ABHD5: variants seen among roughly 807,000 people sequenced by gnomAD.
ABHD5 encodes the protein 1-acylglycerol-3-phosphate O-acyltransferase ABHD5.
ABHD5 carries 30 observed loss-of-function variants against 44.9 expected under a neutral mutation model. The observed-to-expected ratio is 0.67, with a 90% confidence interval of 0.50 to 0.91. The LOEUF is 0.91. ABHD5 is among the 40% of genes least tolerant of loss of function. ABHD5 has a pLI of 0.00. For synonymous variants in ABHD5, 167 were observed against 147.0 expected, an observed-to-expected ratio of 1.14 and a Z score of -0.99; for missense variants, 399 against 423.4, an observed-to-expected ratio of 0.94 and a Z score of 0.50.
chr3:43,723,886 T>C (rs963511413), downstream of ABHD5, among the ~76,000 whole-genome samples: 7 of 152,194 alleles, frequency 4.6e-5, no homozygotes, highest in African/African-American at 1.7e-4. Context: ...TCAGATGATA[T>C]TAAGGAGTTA....
intron 1 of ABHD5, among the ~76,000 whole-genome samples, chr3:43,697,649 C>T (rs1254085013): frequency 3.3e-5 from 5 of 151,918 alleles, no homozygotes; most frequent in African/African-American, 9.7e-5. Flanking sequence ...GACATGTAAT[C>T]ATATGAAATT....
At chr3:43,705,478 A>G (rs2084607240) in intron 3 of ABHD5, among the ~76,000 whole-genome samples, 1 of 152,246 alleles carries the variant, frequency 6.6e-6, no homozygotes, top group Non-Finnish European at 1.5e-5. Flanking sequence ...TATATACATA[A>G]CATACATGAA....
intron 5 of ABHD5, among the ~76,000 whole-genome samples, chr3:43,717,317 T>C (rs1340856142): frequency 1.3e-5 from 2 of 152,210 alleles, no homozygotes; most frequent in Non-Finnish European, 2.9e-5. Context: ...GAAACGCTGG[T>C]GCCATGAACC....
intron 2 of ABHD5, among the ~76,000 whole-genome samples, chr3:43,700,279 G>A (rs1265188334): frequency 6.6e-6 from 1 of 151,952 alleles, no homozygotes; most frequent in Non-Finnish European, 1.5e-5. Flanking sequence ...CTTCTTATGA[G>A]CACTAAAATT....
In ABHD5 at chr3:43,721,409, G is replaced by A. The variant is rs2084834379; in HGVS notation, c.*2877G>A. 6.6e-6 allele frequency: 1 copy of A among 151,946 alleles called. No homozygotes were observed. 9.4% of individuals were successfully genotyped at this position (151,946 alleles called of 1,614,324 possible). The stretch of plus-strand genomic sequence containing the variant: ...AAACTTTCCTAGGACTGAAAATTCA[G>A]AAGCAATAAAAAGAGAAGTCTATAG... On this transcript the variant is annotated 3_prime_UTR_variant, in exon 7 of 7. Transcript: ENST00000644371.
intron 7 of ABHD5, among the ~76,000 whole-genome samples, chr3:43,732,836 G>A (rs1697260497): frequency 6.6e-6 from 1 of 152,128 alleles, no homozygotes; most frequent in Non-Finnish European, 1.5e-5. Context: ...CAAGGTGATG[G>A]CCAGGGCTGG....
chr3:43,709,350 G>A (rs2084660278), intron 3 of ABHD5, among the ~76,000 whole-genome samples: 1 of 152,144 alleles, frequency 6.6e-6, no homozygotes, highest in Non-Finnish European at 1.5e-5. Flanking sequence ...TGCATAATTT[G>A]TTAAACTGGC....
intron 3 of ABHD5, among the ~76,000 whole-genome samples, chr3:43,705,869 T>G (rs1479924227): frequency 6.6e-6 from 1 of 152,220 alleles, no homozygotes; most frequent in African/African-American, 2.4e-5. Flanking sequence ...TCATATTTGT[T>G]AACTTTTTAT....
At chr3:43,706,906 G>C (rs777182495) in intron 3 of ABHD5, among the ~76,000 whole-genome samples, 2 of 152,146 alleles carry the variant, frequency 1.3e-5, no homozygotes, top group Non-Finnish European at 2.9e-5. Flanking sequence ...AGTGTTCCAA[G>C]CCATAACTAC....
intron 1 of ABHD5, among the ~76,000 whole-genome samples, chr3:43,691,859 A>G (rs191220616): frequency 3.3e-5 from 5 of 152,312 alleles, no homozygotes; most frequent in Non-Finnish European, 5.9e-5. Context: ...TGTGTGTTGC[A>G]TGTGCCTTAG....
intron 3 of ABHD5, among the ~76,000 whole-genome samples, chr3:43,703,071 CA>C (rs2149596562): frequency 6.6e-6 from 1 of 152,252 alleles, no homozygotes; most frequent in South Asian, 2.1e-4. Flanking sequence ...AACTTCATAG[CA>C]TATATCCCAG....
At chr3:43,728,724 T>C (rs1397738127) in intron 7 of ABHD5, among the ~76,000 whole-genome samples, 1 of 152,136 alleles carries the variant, frequency 6.6e-6, no homozygotes, top group Non-Finnish European at 1.5e-5. Context: ...AAATCAGGTA[T>C]CACACACATA....
intron 3 of ABHD5, among the ~76,000 whole-genome samples, chr3:43,709,442 G>C (rs1393169319): frequency 6.6e-6 from 1 of 152,230 alleles, no homozygotes; most frequent in African/African-American, 2.4e-5. Flanking sequence ...CTTACCTACA[G>C]ACAGATGAGA....
In ABHD5 at chr3:43,720,464, GA is replaced by G. The variant is rs886058496; in HGVS notation, c.*1934del. 6 of 152,118 alleles carry G rather than the reference GA, an allele frequency of 3.9e-5. No homozygotes were observed. The highest frequency in any genetic ancestry group is 7.3e-5 in the Non-Finnish European group (5 of 68,036). 9.4% of individuals were successfully genotyped at this position (152,118 alleles called of 1,614,324 possible). On this transcript the variant is annotated 3_prime_UTR_variant, in exon 7 of 7. Coordinates refer to ENST00000644371, the MANE Select transcript of ABHD5 (RefSeq NM_016006.6). Reference sequence around the variant, plus strand: ...GTGATAATTTATTTTCCTACAGACTGAATTTGCTTTATTTGAAAGATGTTGT... The same window carrying G: ...GTGATAATTTATTTTCCTACAGACTGATTTGCTTTATTTGAAAGATGTTGT...
chr3:43,709,178 A>G (rs771527475), intron 3 of ABHD5, among the ~76,000 whole-genome samples: 1 of 152,248 alleles, frequency 6.6e-6, no homozygotes, highest in Non-Finnish European at 1.5e-5. Context: ...AGCATCTGCC[A>G]TGTGCTAAGC....
chr3:43,696,724 G>A (rs2084478092), intron 1 of ABHD5, among the ~76,000 whole-genome samples: 1 of 152,180 alleles, frequency 6.6e-6, no homozygotes, highest in Non-Finnish European at 1.5e-5. Context: ...ATCCTGTAGA[G>A]TGTCTCAAAG....
chr3:43,712,148 C>A (rs1475034201), intron 4 of ABHD5, among the ~76,000 whole-genome samples: 2 of 152,100 alleles, frequency 1.3e-5, no homozygotes, highest in African/African-American at 4.8e-5. Context: ...TAAAAAAAGC[C>A]AGGCAAGCAG....
intron 4 of ABHD5, among the ~76,000 whole-genome samples, chr3:43,712,678 G>C (rs2084703397): frequency 6.6e-6 from 1 of 152,070 alleles, no homozygotes; most frequent in Non-Finnish European, 1.5e-5. Flanking sequence ...TTTAGCACTT[G>C]TTCTGGTTGC....
chr3:43,695,673 G>A (rs1333120441), intron 1 of ABHD5, among the ~76,000 whole-genome samples: 1 of 152,150 alleles, frequency 6.6e-6, no homozygotes. Context: ...AGACAGATGT[G>A]TTAAAGAACA....
Sources: gnomAD v4.1 joint callset for allele counts (sites outside exome capture counted in the v4.1 genomes callset) on GRCh38, gnomAD v4.1.1 for gene constraint, MANE v1.5 for transcripts, NCBI Gene and HGNC (gene_info 2026-07-23, HGNC 2026-07-21) for gene names.